Variants in CDH10 observed in about 807,000 individuals in gnomAD.
The protein encoded by CDH10 is cadherin 10.
A neutral mutation model predicts 73.1 loss-of-function variants in CDH10; 30 were observed. That is an observed-to-expected ratio of 0.41 (90% CI 0.31 to 0.56). The LOEUF (loss-of-function observed/expected upper bound fraction) is 0.56. Ranked by LOEUF, CDH10 falls within the 20% of genes least tolerant of loss-of-function variation. The pLI is 0.27. For synonymous variants in CDH10, 345 were observed against 348.2 expected (o/e 0.99, Z 0.10); for missense variants, 815 against 973.7 (o/e 0.84, Z 2.17).
intron 1 of CDH10, among the ~76,000 whole-genome samples, chr5:24,604,317 A>G (rs1746675926): frequency 1.3e-5 from 2 of 152,190 alleles, no homozygotes; most frequent in African/African-American, 4.8e-5. Context: ...ATTGCCCTCC[A>G]GCCTGGGTGA....
At position 24,487,402 on chromosome 5, in the gene CDH10, A is replaced by G. The variant is rs1333500204; in HGVS notation, c.*261T>C. 4 of 375,124 alleles carry G rather than the reference A, an allele frequency of 1.1e-5. No homozygotes were observed. In the East Asian group the frequency reaches 2.0e-4, roughly 18 times the overall value. The allele number at this position is 375,124 out of a possible 1,614,324, so 23.2% of individuals were successfully genotyped here. The stretch of plus-strand genomic sequence containing the variant: ...GAACTATCCTGTTCATGTTTCTGAA[A>G]TTATCTTTTATTTACTAAGATGGAC... On this transcript the variant is annotated 3_prime_UTR_variant, in exon 12 of 12. Transcript: ENST00000264463.
intron 2 of CDH10, among the ~76,000 whole-genome samples, chr5:24,582,184 G>A (rs1745826531): frequency 6.6e-6 from 1 of 152,050 alleles, no homozygotes; most frequent in South Asian, 2.1e-4. Flanking sequence ...GAAAACTAGG[G>A]GAAGAGGCCA....
chr5:24,530,822 C>A (rs1743713882), intron 5 of CDH10, among the ~76,000 whole-genome samples: 1 of 151,992 alleles, frequency 6.6e-6, no homozygotes, highest in Admixed American at 6.6e-5. Flanking sequence ...CCATGAACTC[C>A]TTTTAAGAAT....
At chr5:24,587,329 A>T (rs1746057556) in intron 2 of CDH10, among the ~76,000 whole-genome samples, 1 of 152,182 alleles carries the variant, frequency 6.6e-6, no homozygotes, top group African/African-American at 2.4e-5. Flanking sequence ...AATAACAAAC[A>T]TCCCTCTCTT....
intron 2 of CDH10, among the ~76,000 whole-genome samples, chr5:24,544,229 G>A (rs1341623956): frequency 6.6e-6 from 1 of 152,100 alleles, no homozygotes; most frequent in African/African-American, 2.4e-5. Flanking sequence ...GGGAGGCGGA[G>A]GTTGCAGTAA....
chr5:24,487,752 G>C lies in CDH10; in HGVS notation c.2278C>G (p.Gln760Glu), dbSNP rs2111600411. Reference protein sequence around the residue: ...SLESGTTEGDQNYDYLREWGP... With the variant: ...SLESGTTEGDENYDYLREWGP... ...CATTCTCGGAGGTAATCGTAGTTTT[G>C]GTCTCCTTCAGTAGTACCTGATTCT... The change falls in exon 12 of 12, where the codon CAA becomes GAA. Residue 760 changes from glutamine (Q) to glutamate (E), a missense_variant. By Grantham distance (29) the Gln-to-Glu change is conservative. Around this residue, in one of 3 missense-constraint regions of CDH10, gnomAD observed 241 missense variants for 240.3 expected, o/e 1.00. Coordinates refer to ENST00000264463, the MANE Select transcript of CDH10 (RefSeq NM_006727.5). The C allele has an allele frequency of 3.1e-6, 5 of 1,613,536 alleles. No individual in the cohort carries two copies. Among genetic ancestry groups the C allele is most frequent in the Non-Finnish European group, 4.2e-6 (5 of 1,179,762 alleles).
intron 1 of CDH10, among the ~76,000 whole-genome samples, chr5:24,609,001 A>T (rs1746855468): frequency 6.6e-6 from 1 of 152,208 alleles, no homozygotes; most frequent in Admixed American, 6.5e-5. Context: ...ATAGAATTAG[A>T]ATAAAGGTGT....
intron 5 of CDH10, among the ~76,000 whole-genome samples, chr5:24,525,066 A>T (rs1348074430): frequency 6.6e-6 from 1 of 152,048 alleles, no homozygotes. Context: ...CTTTGGAGGA[A>T]AGATATAATA....
chr5:24,491,729 T>C lies in CDH10; in HGVS notation c.1723A>G (p.Ile575Val). Residue 575 changes from isoleucine to valine, a missense_variant, in exon 11 of 12, where the codon ATT (isoleucine) becomes GTT (valine). Physicochemically the swap from Ile to Val is conservative, Grantham distance 29. Coordinates refer to ENST00000264463, the MANE Select transcript of CDH10 (RefSeq NM_006727.5). ...PVVISDNDYP[I>V]QSSTGTLTIR... ...GTCAGTGTGCCTGTGCTGCTCTGAA[T>C]TGGGTAATCATTGTCTGATATCACC... 1.2e-6 allele frequency: 2 copies of C among 1,613,792 alleles called. No homozygotes were observed. Among genetic ancestry groups the C allele is most frequent in the Non-Finnish European group, 1.7e-6 (2 of 1,179,752 alleles).
chr5:24,631,761 C>G (rs1188232426), intron 1 of CDH10, among the ~76,000 whole-genome samples: 1 of 152,034 alleles, frequency 6.6e-6, no homozygotes, highest in East Asian at 1.9e-4. Context: ...AAAATCTCAT[C>G]TACATCCATT....
In CDH10 at chr5:24,608,992, T is replaced by A. The variant is rs140461248; in HGVS notation, c.-123-15379A>T. On this transcript the variant is annotated intron_variant, in intron 1 of 11. Coordinates refer to ENST00000264463, the MANE Select transcript of CDH10 (RefSeq NM_006727.5). The stretch of plus-strand genomic sequence containing the variant: ...GGATATAAAGCTCCAAGGGTGTGGA[T>A]AGAATTAGAATAAAGGTGTGATTAT... Among the ~76,000 whole-genome samples the A allele has an allele frequency of 5.9e-5, 9 of 152,334 alleles. 1 individual carries two copies. In the South Asian group the frequency reaches 1.9e-3, roughly 32 times the overall value.
chr5:24,588,560 G>T (rs918715691), intron 2 of CDH10, among the ~76,000 whole-genome samples: 6 of 152,148 alleles, frequency 3.9e-5, no homozygotes. Context: ...TAGGAAGTCT[G>T]CAGTGGTGGA....
intron 1 of CDH10, among the ~76,000 whole-genome samples, chr5:24,638,425 T>G (rs1379834335): frequency 6.6e-6 from 1 of 151,696 alleles, no homozygotes; most frequent in Non-Finnish European, 1.5e-5. Flanking sequence ...CACTCTTCAC[T>G]CAGTAGTTGA....
chr5:24,556,358 G>A (rs1744767208), intron 2 of CDH10, among the ~76,000 whole-genome samples: 1 of 151,942 alleles, frequency 6.6e-6, no homozygotes, highest in Admixed American at 6.6e-5. Context: ...TAAAAAACAT[G>A]CAATTTTACT....
intron 2 of CDH10, among the ~76,000 whole-genome samples, chr5:24,542,754 C>T (rs1005421420): frequency 2.6e-5 from 4 of 152,162 alleles, no homozygotes; most frequent in African/African-American, 7.2e-5. Context: ...GGTAAGGGCC[C>T]TCTTTCTGGT....
chr5:24,614,977 C>T (rs909166634), intron 1 of CDH10, among the ~76,000 whole-genome samples: 9 of 152,142 alleles, frequency 5.9e-5, no homozygotes, highest in African/African-American at 1.9e-4. Flanking sequence ...GAGTCAAGCA[C>T]CAGGAGCATC....
At chr5:24,526,590 C>G (rs922798930) in intron 5 of CDH10, among the ~76,000 whole-genome samples, 1 of 151,820 alleles carries the variant, frequency 6.6e-6, no homozygotes, top group African/African-American at 2.4e-5. Context: ...TTGAAAGTAT[C>G]TTTTCATTGA....
chr5:24,487,645 C>G lies in CDH10; in HGVS notation c.*18G>C, dbSNP rs893847002. 3.1e-6 allele frequency: 5 copies of G among 1,588,668 alleles called. No homozygotes were observed. The African/African-American group carries it at 5.4e-5, about 17-fold the overall frequency. On this transcript the variant is annotated 3_prime_UTR_variant, in exon 12 of 12. Coordinates refer to ENST00000264463, the MANE Select transcript of CDH10 (RefSeq NM_006727.5). ...GTAGAGTTACTTTCTCTTGTTTGAA[C>G]AGAACATATATCCTACGTTAAGAGT...
chr5:24,622,069 C>T (rs529249114), intron 1 of CDH10, among the ~76,000 whole-genome samples: 76 of 152,250 alleles, frequency 5.0e-4, no homozygotes, highest in African/African-American at 1.8e-3. Context: ...GAGACATTTG[C>T]ACAGAAGACT....
Sources: allele counts gnomAD v4.1 joint callset (sites outside exome capture counted in the v4.1 genomes callset), GRCh38; gene constraint gnomAD v4.1.1; regional missense constraint gnomAD v4.1.1; transcripts MANE v1.5; gene names NCBI Gene and HGNC (gene_info 2026-07-23, HGNC 2026-07-21).